ELF5: variants seen among roughly 807,000 people sequenced by gnomAD.
The protein encoded by ELF5 is ETS-related transcription factor Elf-5.
ELF5 carries 31 observed loss-of-function variants against 38.2 expected under a neutral mutation model. That is an observed-to-expected ratio of 0.81 (90% CI 0.61 to 1.10). ELF5 has a LOEUF of 1.10. Ranked by LOEUF, ELF5 falls within the 50% of genes least tolerant of loss-of-function variation. The probability of loss-of-function intolerance (pLI) is 0.00; values close to 1 mark genes in which losing one functional copy is unlikely to be tolerated. For missense variants in ELF5, 300 were observed against 306.6 expected, an observed-to-expected ratio of 0.98 and a Z score of 0.16; for synonymous variants, 121 against 112.5, an observed-to-expected ratio of 1.08 and a Z score of -0.48.
intron 5 of ELF5, among the ~76,000 whole-genome samples, chr11:34,481,866 T>C (rs1423026632): frequency 6.6e-6 from 1 of 152,202 alleles, no homozygotes; most frequent in Non-Finnish European, 1.5e-5. Flanking sequence ...GGTTAGAGGA[T>C]TTAATGATTT....
intron 5 of ELF5, among the ~76,000 whole-genome samples, 170 bp downstream of exon 5, chr11:34,482,261 A>T (rs1313174127): frequency 5.9e-5 from 9 of 152,260 alleles, no homozygotes; most frequent in Admixed American, 4.6e-4. Flanking sequence ...AGAAGAAATC[A>T]ATCTGACTTT....
At position 34,512,626 on chromosome 11, in the gene ELF5, C is replaced by T. The variant is rs538609730; in HGVS notation, c.-5+1051G>A. ...CATGCAATCCGATATATGCAAAGGA[C>T]GGGGCATAATACATATATTCAATCC... On this transcript the variant is annotated intron_variant, in intron 1 of 6. Coordinates refer to ENST00000257832, the MANE Select transcript of ELF5 (RefSeq NM_001422.4). 1.1e-4 allele frequency among the ~76,000 whole-genome samples: 16 copies of T among 149,824 alleles called. 1 individual carries two copies. In the South Asian group the frequency reaches 1.9e-3, roughly 18 times the overall value.
At chr11:34,481,212 T>C (rs1171283102) in intron 5 of ELF5, among the ~76,000 whole-genome samples, 1 of 151,870 alleles carries the variant, frequency 6.6e-6, no homozygotes, top group Non-Finnish European at 1.5e-5. Flanking sequence ...TTAGTAGAGA[T>C]GGGGTTTCGC....
intron 2 of ELF5, among the ~76,000 whole-genome samples, chr11:34,501,788 CA>C (rs1850477377): frequency 2.6e-5 from 4 of 152,150 alleles, no homozygotes. Flanking sequence ...CACCAGGGCA[CA>C]GATTCAGCGG....
At chr11:34,498,332 C>T (rs904887884) in intron 2 of ELF5, among the ~76,000 whole-genome samples, 1 of 151,228 alleles carries the variant, frequency 6.6e-6, no homozygotes, top group African/African-American at 2.4e-5. Context: ...ACTTTAATTA[C>T]ATTCCTTCAA....
intron 2 of ELF5, among the ~76,000 whole-genome samples, chr11:34,499,572 TGCAGCAGAATGCAAAATTTGCAG>T (rs1227276689): frequency 2.6e-5 from 4 of 152,318 alleles, no homozygotes; most frequent in South Asian, 2.1e-4. Flanking sequence ...AAAATAGATA[TGCAGCAGAATGCAAAATTTGCAG>T]GTTCTAAAAG....
chr11:34,511,841 G>T (rs1331524682), intron 1 of ELF5: 1 of 494,714 alleles, frequency 2.0e-6, no homozygotes, highest in Non-Finnish European at 3.6e-6. Context: ...TCCTGACTCT[G>T]GTGGTGATCA....
intron 2 of ELF5, among the ~76,000 whole-genome samples, chr11:34,502,168 G>T (rs1337855779): frequency 6.6e-6 from 1 of 152,210 alleles, no homozygotes; most frequent in African/African-American, 2.4e-5. Flanking sequence ...CCAACTCCAG[G>T]AGGCAGAGGA....
At position 34,484,487 on chromosome 11, in the gene ELF5, A is replaced by ATCCTATC. The variant is rs1564974417; in HGVS notation, c.407-1989_407-1988insGATAGGA. ...TACTGTGCTACACTATACTAACTATACTATACTATACTATACTATACTATA... is the reference window on the plus strand; with the variant it reads ...TACTGTGCTACACTATACTAACTATATCCTATCCTATACTATACTATACTATACTATA... On this transcript the variant is annotated intron_variant, in intron 4 of 6. Transcript: ENST00000257832. 3.5e-3 allele frequency among the ~76,000 whole-genome samples: 243 copies of ATCCTATC among 68,878 alleles called. 1 individual carries two copies. The highest frequency in any genetic ancestry group is 0.017 in the East Asian group (11 of 666). 45.2% of individuals were successfully genotyped at this position (68,878 alleles called of 152,430 possible).
intron 1 of ELF5, among the ~76,000 whole-genome samples, chr11:34,506,057 C>T (rs113049359): frequency 2.3e-4 from 35 of 152,194 alleles, no homozygotes; most frequent in African/African-American, 8.2e-4. Context: ...TGCAATATTG[C>T]CTCTTTATTT....
In ELF5 at chr11:34,480,972, T is replaced by A. The variant is rs770414644; in HGVS notation, c.476-5A>T. On this transcript the variant is annotated splice_region_variant and splice_polypyrimidine_tract_variant and intron_variant, in intron 5 of 6. Transcript: ENST00000257832. ...ATAGATGAGAACTTTGGAGGCCTTT[T>A]GAAAAGGGGAAAACATTAACTATTT... 6.3e-7 allele frequency: 1 copy of A among 1,591,130 alleles called. No individual in the cohort carries two copies. The highest frequency in any genetic ancestry group is 1.4e-5 in the African/African-American group (1 of 73,576).
chr11:34,495,417 T>TCGCA (rs1850292347), intron 2 of ELF5, among the ~76,000 whole-genome samples: 1 of 152,126 alleles, frequency 6.6e-6, no homozygotes, highest in Non-Finnish European at 1.5e-5. Context: ...GTGCTACTAC[T>TCGCA]CACTCAGCAC....
chr11:34,489,980 C>A (rs1204882827), intron 4 of ELF5, 29 bp downstream of exon 4: 3 of 1,613,292 alleles, frequency 1.9e-6, no homozygotes, highest in South Asian at 2.2e-5. Flanking sequence ...CTTGACAGAG[C>A]CTTGGGTGGC....
chr11:34,491,001 A>G (rs1850158428), intron 3 of ELF5, among the ~76,000 whole-genome samples: 1 of 152,054 alleles, frequency 6.6e-6, no homozygotes, highest in Non-Finnish European at 1.5e-5. Flanking sequence ...CTTAAATCCT[A>G]CTGCAATACC....
intron 2 of ELF5, among the ~76,000 whole-genome samples, chr11:34,505,374 C>T (rs1466692445): frequency 1.3e-5 from 2 of 152,232 alleles, no homozygotes; most frequent in African/African-American, 4.8e-5. Flanking sequence ...GGCAGCAAAA[C>T]GAGGCTCAGA....
At chr11:34,486,075 T>C (rs1849988109) in intron 4 of ELF5, among the ~76,000 whole-genome samples, 1 of 152,086 alleles carries the variant, frequency 6.6e-6, no homozygotes. Context: ...GTATCCTCAA[T>C]TGTTTATTGC....
intron 4 of ELF5, among the ~76,000 whole-genome samples, chr11:34,488,751 A>G (rs1212201220): frequency 6.6e-6 from 1 of 152,036 alleles, no homozygotes. Flanking sequence ...GAAGACACTG[A>G]CCCCTGGAGA....
chr11:34,490,793 A>G (rs1850150384), intron 3 of ELF5, among the ~76,000 whole-genome samples: 1 of 152,172 alleles, frequency 6.6e-6, no homozygotes, highest in African/African-American at 2.4e-5. Context: ...AGACTGGAGC[A>G]GGGCACAGTT....
intron 1 of ELF5, among the ~76,000 whole-genome samples, chr11:34,512,257 TTGC>T (rs10558804): frequency 0.41 from 61,944 of 151,788 alleles, 14,127 homozygotes; most frequent in East Asian, 0.62. Flanking sequence ...GAGAACCAAT[TTGC>T]TGACCTCTTG....
Sources: allele counts gnomAD v4.1 joint callset (sites outside exome capture counted in the v4.1 genomes callset), GRCh38; gene constraint gnomAD v4.1.1; transcripts MANE v1.5; gene names NCBI Gene and HGNC (gene_info 2026-07-23, HGNC 2026-07-21).